DLC1: variants seen among roughly 807,000 people sequenced by gnomAD.
DLC1 encodes DLC1 Rho GTPase activating protein, also known as rho GTPase-activating protein 7.
Under a neutral mutation model 140.3 loss-of-function variants are expected in DLC1, and 54 were observed. The observed-to-expected ratio is 0.38, with a 90% CI of 0.31 to 0.48. The LOEUF is 0.48. DLC1 is among the 20% of genes least tolerant of loss of function. The pLI is 0.96. For synonymous variants in DLC1, 986 were observed against 728.1 expected (o/e 1.35, Z -5.70); for missense variants, 2,536 against 1,907.0 (o/e 1.33, Z -6.14).
intron 2 of DLC1, among the ~76,000 whole-genome samples, chr8:13,443,250 G>T (rs190103062): frequency 0.011 from 1,643 of 150,170 alleles, 29 homozygotes; most frequent in African/African-American, 0.037. Flanking sequence ...ATATACCTAA[G>T]GTTAAATGAT....
intron 2 of DLC1, among the ~76,000 whole-genome samples, chr8:13,455,751 A>G (rs289547): frequency 6.6e-6 from 1 of 151,864 alleles, no homozygotes; most frequent in African/African-American, 2.4e-5. Context: ...TGGCTCATGC[A>G]TGTAATCCCA....
chr8:13,303,050 A>G (rs891472472), intron 5 of DLC1, among the ~76,000 whole-genome samples: 1 of 152,252 alleles, frequency 6.6e-6, no homozygotes, highest in Non-Finnish European at 1.5e-5. Context: ...TTCAGACACG[A>G]ACATTTGTCT....
intron 4 of DLC1, among the ~76,000 whole-genome samples, chr8:13,391,710 C>T (rs942387447): frequency 6.6e-6 from 1 of 152,258 alleles, no homozygotes; most frequent in Middle Eastern, 3.4e-3. Flanking sequence ...ACACATTCTT[C>T]AACTCATTGT....
chr8:13,356,835 T>TTTTTTTATTATTATTTTA (rs1834962464), intron 4 of DLC1, among the ~76,000 whole-genome samples: 1 of 151,666 alleles, frequency 6.6e-6, no homozygotes, highest in Admixed American at 6.6e-5. Flanking sequence ...ACTTCACTCT[T>TTTTTTTATTATTATTTTA]TTTTTTATTA....
intron 5 of DLC1, among the ~76,000 whole-genome samples, chr8:13,121,181 T>C (rs1268782449): frequency 6.6e-6 from 1 of 152,150 alleles, no homozygotes; most frequent in African/African-American, 2.4e-5. Context: ...TTGATAGACA[T>C]ATGGGCAAAG....
At position 13,405,018 on chromosome 8, in the gene DLC1, A is replaced by G. The variant is rs1285267964; in HGVS notation, c.1024-3399T>C. On this transcript the variant is annotated intron_variant, in intron 2 of 17. Coordinates refer to ENST00000276297, the MANE Select transcript of DLC1 (RefSeq NM_182643.3). ...GTGAAACTCCATCTCAGATAAATAAATAAATAAATTTTGTGTACTTCTGGA... is the reference window on the plus strand; with the variant it reads ...GTGAAACTCCATCTCAGATAAATAAGTAAATAAATTTTGTGTACTTCTGGA... 3.3e-5 allele frequency among the ~76,000 whole-genome samples: 5 copies of G among 152,004 alleles called. No homozygotes were observed. In the East Asian group the frequency reaches 5.8e-4, roughly 18 times the overall value.
intron 3 of DLC1, among the ~76,000 whole-genome samples, chr8:13,395,563 G>A (rs987039272): frequency 2.0e-5 from 3 of 152,120 alleles, no homozygotes; most frequent in African/African-American, 7.2e-5. Flanking sequence ...ACAGTTTTAT[G>A]AAGAAACTAC....
At chr8:13,498,052 A>G (rs544458655) in intron 2 of DLC1, among the ~76,000 whole-genome samples, 1 of 152,320 alleles carries the variant, frequency 6.6e-6, no homozygotes, top group Middle Eastern at 3.4e-3. Flanking sequence ...TGAACAGAAC[A>G]AAGAACATTA....
At chr8:13,386,460 T>G (rs1370040852) in intron 4 of DLC1, among the ~76,000 whole-genome samples, 1 of 152,068 alleles carries the variant, frequency 6.6e-6, no homozygotes, top group Non-Finnish European at 1.5e-5. Context: ...AATGAAATTC[T>G]AAGATTCAAA....
At chr8:13,454,702 G>C (rs1161278241) in intron 2 of DLC1, among the ~76,000 whole-genome samples, 1 of 152,080 alleles carries the variant, frequency 6.6e-6, no homozygotes, top group Non-Finnish European at 1.5e-5. Context: ...CTATAGGTAT[G>C]AGTCACCATG....
intron 5 of DLC1, among the ~76,000 whole-genome samples, chr8:13,254,216 G>A (rs1354938773): frequency 6.9e-6 from 1 of 144,000 alleles, no homozygotes; most frequent in Non-Finnish European, 1.5e-5. Flanking sequence ...AGAACAAAAA[G>A]CACTTGAAAA....
At chr8:13,440,064 G>T (rs1798431371) in intron 2 of DLC1, among the ~76,000 whole-genome samples, 1 of 152,156 alleles carries the variant, frequency 6.6e-6, no homozygotes, top group Non-Finnish European at 1.5e-5. Flanking sequence ...AAGTCTTCTG[G>T]TCAAATACAT....
At chr8:13,503,960 G>A (rs1218478870) in intron 1 of DLC1, among the ~76,000 whole-genome samples, 2 of 152,230 alleles carry the variant, frequency 1.3e-5, no homozygotes, top group East Asian at 3.9e-4. Flanking sequence ...CTACTGGATA[G>A]AAGAAATCTT....
rs549151473 is a variant in DLC1 at position 13,117,571 on chromosome 8, C to G, written c.1349-1914G>C. ...TATGGAAAGAAAAAAGGCTGTTTGT[C>G]TTTAAAAATATTTTAAAAACTCATT... On this transcript the variant is annotated intron_variant, in intron 5 of 17. Coordinates refer to ENST00000276297, the MANE Select transcript of DLC1 (RefSeq NM_182643.3). Among the ~76,000 whole-genome samples the G allele has an allele frequency of 9.2e-5, 14 of 152,316 alleles. No individual in the cohort carries two copies. The South Asian group carries it at 2.9e-3, about 32-fold the overall frequency.
intron 1 of DLC1, among the ~76,000 whole-genome samples, chr8:13,512,641 TAGATAGA>T (rs1162556205): frequency 1.3e-5 from 2 of 152,106 alleles, no homozygotes; most frequent in Admixed American, 6.5e-5. Context: ...TGATTTAGGC[TAGATAGA>T]AGAAAGGATG....
At chr8:13,192,821 G>A (rs943494982) in intron 5 of DLC1, among the ~76,000 whole-genome samples, 4 of 152,184 alleles carry the variant, frequency 2.6e-5, no homozygotes, top group African/African-American at 9.7e-5. Context: ...GCAGAGAGAA[G>A]GTGGTCGTCG....
At chr8:13,124,983 C>CT (rs551992122) in intron 5 of DLC1, among the ~76,000 whole-genome samples, 2,064 of 146,296 alleles carry the variant, frequency 0.014, 32 homozygotes, top group South Asian at 0.06. Flanking sequence ...TTCTTTTTTC[C>CT]TTTTTTTTTT....
chr8:13,582,061 C>G (rs903986581), intron 1 of DLC1, among the ~76,000 whole-genome samples: 4 of 152,068 alleles, frequency 2.6e-5, no homozygotes, highest in Non-Finnish European at 4.4e-5. Context: ...GGAGAAAAAA[C>G]AAAGTCCACT....
chr8:13,441,431 A>G (rs1010570775), intron 2 of DLC1, among the ~76,000 whole-genome samples: 9 of 152,246 alleles, frequency 5.9e-5, no homozygotes, highest in African/African-American at 2.2e-4. Flanking sequence ...CCCTGTTTGC[A>G]GACAACATGA....
Sources: gnomAD v4.1 joint callset for allele counts (sites outside exome capture counted in the v4.1 genomes callset) on GRCh38, gnomAD v4.1.1 for gene constraint, MANE v1.5 for transcripts, NCBI Gene and HGNC (gene_info 2026-07-23, HGNC 2026-07-21) for gene names.